KIF26B: variants seen among roughly 807,000 people sequenced by gnomAD.
The protein encoded by KIF26B is kinesin family member 26B, also known as kinesin-like protein KIF26B.
A neutral mutation model predicts 151.2 loss-of-function variants in KIF26B; 63 were observed. That is an observed-to-expected ratio of 0.42 (90% CI 0.34 to 0.51). The LOEUF (loss-of-function observed/expected upper bound fraction) is 0.51, where lower values mean the gene tolerates loss of function less well. KIF26B is among the 20% of genes least tolerant of loss of function. KIF26B has a pLI of 0.07. For synonymous variants in KIF26B, 1,357 were observed against 1,262.1 expected (o/e 1.08, Z -1.59); for missense variants, 2,813 against 2,913.6 (o/e 0.97, Z 0.79).
At chr1:245,409,019 CTG>C (rs1196111750) in intron 3 of KIF26B, among the ~76,000 whole-genome samples, 2 of 152,210 alleles carry the variant, frequency 1.3e-5, no homozygotes, top group Non-Finnish European at 2.9e-5. Flanking sequence ...TCAAAGGCCT[CTG>C]AGGCTGAAGC....
At chr1:245,612,081 TGTGTGTGTGTGTGTGTGTGTGTGTGAGA>T in intron 9 of KIF26B, 105 bp downstream of exon 9, 1 of 692,388 alleles carries the variant, frequency 1.4e-6, no homozygotes, top group Non-Finnish European at 2.4e-6. Context: ...TGTGTGTGTG[TGTGTGTGTGTGTGTGTGTGTGTGTGAGA>T]GAGAGAGAGA....
At chr1:245,537,832 A>G (rs2103100667) in intron 4 of KIF26B, among the ~76,000 whole-genome samples, 1 of 152,354 alleles carries the variant, frequency 6.6e-6, no homozygotes, top group South Asian at 2.1e-4. Flanking sequence ...TGAAGAGGTA[A>G]TTAGATACAT....
chr1:245,484,700 C>T (rs1378464678), intron 4 of KIF26B, among the ~76,000 whole-genome samples: 1 of 77,630 alleles, frequency 1.3e-5, no homozygotes, highest in Admixed American at 1.6e-4. Context: ...TCCTTCTTCT[C>T]CTTCTCCTTC....
intron 5 of KIF26B, among the ~76,000 whole-genome samples, chr1:245,590,916 A>G (rs2043282146): frequency 1.0e-5 from 1 of 97,870 alleles, no homozygotes; most frequent in Non-Finnish European, 2.0e-5. Context: ...AAAAAAAAGA[A>G]AAAAAAAAAA....
intron 2 of KIF26B, among the ~76,000 whole-genome samples, chr1:245,359,114 G>T (rs1459788014): frequency 6.6e-6 from 1 of 151,940 alleles, no homozygotes; most frequent in Admixed American, 6.6e-5. Context: ...CGCCTCCTGT[G>T]TTCCAGTGAT....
chr1:245,184,050 G>GTTGTTTTTGTT (rs1553332271), intron 2 of KIF26B, among the ~76,000 whole-genome samples: 2 of 19,806 alleles, frequency 1.0e-4, no homozygotes, highest in African/African-American at 3.0e-4. Flanking sequence ...GGGAGTTGTT[G>GTTGTTTTTGTT]TTTTTTTTTT....
At chr1:245,594,405 A>G (rs540631273) in intron 5 of KIF26B, among the ~76,000 whole-genome samples, 63 of 152,050 alleles carry the variant, frequency 4.1e-4, no homozygotes, top group African/African-American at 1.5e-3. Flanking sequence ...AGTTTTCCCA[A>G]CACCATTTAT....
At chr1:245,672,098 G>A (rs896531311) in intron 10 of KIF26B, among the ~76,000 whole-genome samples, 2 of 152,108 alleles carry the variant, frequency 1.3e-5, no homozygotes, top group African/African-American at 4.8e-5. Context: ...ATGCCAGTCT[G>A]AGCCCATCGG....
At chr1:245,198,485 G>T (rs1052012575) in intron 2 of KIF26B, among the ~76,000 whole-genome samples, 11 of 151,760 alleles carry the variant, frequency 7.2e-5, no homozygotes, top group African/African-American at 2.7e-4. Flanking sequence ...ACTTTGGGGG[G>T]CCAAGGTGGG....
At chr1:245,531,275 T>TA (rs1428488118) in intron 4 of KIF26B, among the ~76,000 whole-genome samples, 1 of 152,228 alleles carries the variant, frequency 6.6e-6, no homozygotes, top group East Asian at 1.9e-4. Flanking sequence ...CCAAATAAAA[T>TA]AACTGCTTTC....
chr1:245,609,536 C>A lies in KIF26B; in HGVS notation c.1914+8C>A. 1 of 1,520,552 alleles carries A rather than the reference C, an allele frequency of 6.6e-7. No individual in the cohort carries two copies. Among genetic ancestry groups the A allele is most frequent in the East Asian group, 2.3e-5 (1 of 43,060 alleles). 94.2% of individuals were successfully genotyped at this position (1,520,552 alleles called of 1,614,324 possible). A position where few individuals can be genotyped will look rare whatever the true frequency, so the allele number is the denominator to read the frequency against. ...CCCATCTGCGGCACGCAGGTGATTGCTTCTGAAGCCTGGCTCGCCCCAAGG... is the reference window on the plus strand; with the variant it reads ...CCCATCTGCGGCACGCAGGTGATTGATTCTGAAGCCTGGCTCGCCCCAAGG... On this transcript the variant is annotated splice_region_variant and intron_variant, in intron 8 of 14. Coordinates refer to ENST00000407071, the MANE Select transcript of KIF26B (RefSeq NM_018012.4).
chr1:245,228,342 G>A (rs780232428), intron 2 of KIF26B, among the ~76,000 whole-genome samples: 1 of 152,138 alleles, frequency 6.6e-6, no homozygotes, highest in Non-Finnish European at 1.5e-5. Context: ...CCAGGCGGGC[G>A]GATCACCTGA....
rs535312542 is a variant in KIF26B at position 245,164,677 on chromosome 1, A to T, written c.465+7994A>T. Among the ~76,000 whole-genome samples, 379 of 152,346 alleles carry T rather than the reference A, an allele frequency of 2.5e-3. 1 individual carries two copies. Among genetic ancestry groups the T allele is most frequent in the African/African-American group, 8.7e-3 (360 of 41,584 alleles). On this transcript the variant is annotated intron_variant, in intron 2 of 14. Coordinates refer to ENST00000407071, the MANE Select transcript of KIF26B (RefSeq NM_018012.4). ...AGGCTGGAAAGGAGGCAGATGGAGG[A>T]TGAAAGGCCTTGTAGGCTATAGGCT...
At chr1:245,574,704 T>C (rs1021458244) in intron 5 of KIF26B, among the ~76,000 whole-genome samples, 7 of 152,108 alleles carry the variant, frequency 4.6e-5, no homozygotes, top group African/African-American at 7.2e-5. Context: ...CTGCCTAACG[T>C]TGTGACTAAC....
At chr1:245,442,670 C>A (rs1659135289) in intron 4 of KIF26B, among the ~76,000 whole-genome samples, 3 of 150,318 alleles carry the variant, frequency 2.0e-5, no homozygotes, top group Non-Finnish European at 4.4e-5. Context: ...CACTGTTCAC[C>A]CTGCAGTCAT....
At chr1:245,657,414 ACT>A (rs1447264025) in intron 10 of KIF26B, among the ~76,000 whole-genome samples, 2 of 152,174 alleles carry the variant, frequency 1.3e-5, no homozygotes, top group South Asian at 2.1e-4. Context: ...TGCCATATCC[ACT>A]GTTTCCTTCC....
chr1:245,388,634 G>A (rs1184766501), intron 3 of KIF26B, among the ~76,000 whole-genome samples: 2 of 152,228 alleles, frequency 1.3e-5, no homozygotes, highest in Non-Finnish European at 2.9e-5. Context: ...TCTAAGTCAT[G>A]CTGGAAAGGT....
At chr1:245,216,100 T>C (rs1424065806) in intron 2 of KIF26B, 1 of 151,674 alleles carries the variant, frequency 6.6e-6, no homozygotes, top group Non-Finnish European at 1.5e-5. Flanking sequence ...AAATAAGTAA[T>C]AGGAATCAGA....
intron 2 of KIF26B, among the ~76,000 whole-genome samples, chr1:245,243,481 T>TATACAC (rs879880728): frequency 4.6e-5 from 7 of 151,642 alleles, no homozygotes; most frequent in African/African-American, 1.2e-4. Flanking sequence ...CATATATATA[T>TATACAC]ACACACATAC....
Sources: allele counts gnomAD v4.1 joint callset (sites outside exome capture counted in the v4.1 genomes callset), GRCh38; gene constraint gnomAD v4.1.1; transcripts MANE v1.5; gene names NCBI Gene and HGNC (gene_info 2026-07-23, HGNC 2026-07-21).